The following SPATA7 variants were observed in gnomAD, a reference collection of about 807,000 sequenced individuals.
The protein encoded by SPATA7 is spermatogenesis associated 7.
Under a neutral mutation model 51.8 loss-of-function variants are expected in SPATA7, and 43 were observed. The observed-to-expected ratio is 0.83, with a 90% CI of 0.65 to 1.07. SPATA7 has a LOEUF of 1.07. SPATA7 is among the 50% of genes least tolerant of loss of function. The probability of loss-of-function intolerance (pLI) is 0.00; values close to 1 mark genes in which losing one functional copy is unlikely to be tolerated. For synonymous variants in SPATA7, 230 were observed against 252.8 expected (o/e 0.91, Z 0.86); for missense variants, 683 against 701.3 (o/e 0.97, Z 0.30).
At chr14:88,385,926 G>T in intron 1 of SPATA7, 89 bp downstream of exon 1, 1 of 1,398,716 alleles carries the variant, frequency 7.1e-7, no homozygotes, top group South Asian at 1.3e-5. Flanking sequence ...TGAGTGCAAG[G>T]CCGCCCCTTG....
intron 4 of SPATA7, among the ~76,000 whole-genome samples, chr14:88,414,474 C>G (rs1350598023): frequency 6.6e-6 from 1 of 152,014 alleles, no homozygotes; most frequent in Non-Finnish European, 1.5e-5. Context: ...TGCTAACAGT[C>G]TGTTGATCTG....
At chr14:88,442,941 T>A (rs1042300738), downstream of SPATA7, among the ~76,000 whole-genome samples, 13 of 17,516 alleles carry the variant, frequency 7.4e-4, no homozygotes, top group Non-Finnish European at 1.3e-3. Flanking sequence ...TTGTTAGTAA[T>A]TTTTTTTTTT....
Position 88,469,477 on chromosome 14 carries a change from G to A in SPATA7, c.255-370G>A. 1 of 1,578,248 alleles carries A rather than the reference G, an allele frequency of 6.3e-7. No individual in the cohort carries two copies. Among genetic ancestry groups the A allele is most frequent in the Non-Finnish European group, 8.7e-7 (1 of 1,147,756 alleles). On this transcript the variant is annotated intron_variant, in intron 4 of 4. Coordinates refer to the SPATA7 transcript ENST00000556406. This position sits in a 1 kb window ranked among gnomAD's most constrained non-coding sequence, Gnocchi z 4.3. ...ACACCTCCAGAGGCAGCTGTCCTCG[G>A]AACAAAGTTAAAGTCACTCACATAA...
intron 4 of SPATA7, among the ~76,000 whole-genome samples, chr14:88,461,175 C>T (rs1006652958): frequency 9.9e-5 from 15 of 152,220 alleles, no homozygotes; most frequent in African/African-American, 3.4e-4. Flanking sequence ...CTTGAGGGGG[C>T]AGTCTGTCCG....
intron 4 of SPATA7, among the ~76,000 whole-genome samples, chr14:88,399,749 C>G (rs1252900106): frequency 2.0e-5 from 3 of 152,098 alleles, no homozygotes; most frequent in Non-Finnish European, 4.4e-5. Context: ...CAATGACAGC[C>G]ATTATATAAT....
intron 4 of SPATA7, among the ~76,000 whole-genome samples, chr14:88,465,623 G>C (rs2077353108): frequency 6.6e-6 from 1 of 152,158 alleles, no homozygotes; most frequent in East Asian, 1.9e-4. Context: ...TTTTGTGGAA[G>C]TGCACATTTT....
At chr14:88,386,036 G>T in intron 1 of SPATA7, 199 bp downstream of exon 1, 2 of 1,444,450 alleles carry the variant, frequency 1.4e-6, no homozygotes, top group Non-Finnish European at 9.1e-7. Flanking sequence ...TCGCAGGTCC[G>T]CTTCTTTGCC....
intron 4 of SPATA7, among the ~76,000 whole-genome samples, chr14:88,402,959 C>CAA (rs56330042): frequency 0.18 from 11,250 of 61,802 alleles, 922 homozygotes; most frequent in Admixed American, 0.29. Context: ...AACTCAATAG[C>CAA]AAAAAAAAAA....
chr14:88,469,206 AC>A lies in SPATA7; in HGVS notation c.255-638del. 1.0e-6 allele frequency: 1 copy of A among 1,000,488 alleles called. No individual in the cohort carries two copies. The highest frequency in any genetic ancestry group is 1.4e-6 in the Non-Finnish European group (1 of 692,774). The allele number at this position is 1,000,488 out of a possible 1,614,324, so 62.0% of individuals were successfully genotyped here. Reference sequence around the variant, plus strand: ...AGAGCACTGGGTGCCAGTGAACCAAACCCAACCACAAAGGGACAGTGTGACC... The same window carrying A: ...AGAGCACTGGGTGCCAGTGAACCAAACCAACCACAAAGGGACAGTGTGACC... On this transcript the variant is annotated intron_variant, in intron 4 of 4. Transcript: ENST00000556406. This position sits in a 1 kb window ranked among gnomAD's most constrained non-coding sequence, Gnocchi z 4.3.
At chr14:88,432,387 C>T (rs1478161952) in intron 9 of SPATA7, among the ~76,000 whole-genome samples, 1 of 152,076 alleles carries the variant, frequency 6.6e-6, no homozygotes, top group African/African-American at 2.4e-5. Flanking sequence ...TTTGCTTATT[C>T]AGTAATTTAG....
Position 88,411,216 on chromosome 14 carries a change from TC to T in SPATA7, c.239-5489del, listed in dbSNP as rs1199395146. 1.3e-4 allele frequency among the ~76,000 whole-genome samples: 19 copies of T among 151,974 alleles called. No individual in the cohort carries two copies. In the East Asian group the frequency reaches 1.7e-3, roughly 14 times the overall value. On this transcript the variant is annotated intron_variant, in intron 4 of 11. Transcript: ENST00000393545. ...CAAGCCTCAATAAGGTGGATGCCCC[TC>T]CCCCCACCAAGCTCTAGAGTCCCAG... is the stretch of plus-strand genomic sequence containing the variant.
intron 4 of SPATA7, among the ~76,000 whole-genome samples, chr14:88,404,044 G>GA (rs1443462772): frequency 2.0e-5 from 3 of 151,950 alleles, no homozygotes; most frequent in Non-Finnish European, 2.9e-5. Context: ...TAACAAAGCT[G>GA]AAAAAATTAT....
At chr14:88,399,412 A>G (rs2075993766) in intron 4 of SPATA7, among the ~76,000 whole-genome samples, 1 of 152,216 alleles carries the variant, frequency 6.6e-6, no homozygotes, top group Non-Finnish European at 1.5e-5. Flanking sequence ...GGAGGAAAAA[A>G]GGCATGTTAG....
intron 1 of SPATA7, among the ~76,000 whole-genome samples, chr14:88,387,631 T>G (rs1233845334): frequency 6.6e-6 from 1 of 152,220 alleles, no homozygotes; most frequent in African/African-American, 2.4e-5. Context: ...CATTCTTTTG[T>G]AAGGCAAGCC....
At chr14:88,445,890 G>T (rs1418319647) in intron 3 of SPATA7, among the ~76,000 whole-genome samples, 3 of 152,144 alleles carry the variant, frequency 2.0e-5, no homozygotes, top group Non-Finnish European at 2.9e-5. Context: ...CGGTTTGCCA[G>T]TATTTTATTG....
At chr14:88,392,676 TA>T (rs1328049812) in intron 2 of SPATA7, among the ~76,000 whole-genome samples, 3 of 152,170 alleles carry the variant, frequency 2.0e-5, no homozygotes, top group Non-Finnish European at 4.4e-5. Context: ...TCAAACTCCA[TA>T]TGCCATTTTA....
downstream of SPATA7, chr14:88,438,603 G>A (rs2077155836): frequency 1.5e-6 from 1 of 658,210 alleles, no homozygotes; most frequent in Non-Finnish European, 2.7e-6. Flanking sequence ...GATCAGGAGT[G>A]TAGGCACAGC....
chr14:88,457,796 T>C (rs1399136230), downstream of SPATA7, among the ~76,000 whole-genome samples: 3 of 152,346 alleles, frequency 2.0e-5, no homozygotes, highest in African/African-American at 4.8e-5. Context: ...GGCATCTTTG[T>C]CTTGTGCCAG....
Position 88,446,851 on chromosome 14 carries a change from G to C in SPATA7, c.178-8209G>C, listed in dbSNP as rs946315060. 7.2e-5 allele frequency among the ~76,000 whole-genome samples: 11 copies of C among 152,088 alleles called. No homozygotes were observed. The East Asian group carries it at 1.2e-3, about 16-fold the overall frequency. ...TGATTGCACTGTGGTCTGAGAGATA[G>C]TTTGTTATAATTTCTGTTCTTTTAC... On this transcript the variant is annotated intron_variant, in intron 3 of 3. Transcript: ENST00000554802.
Sources: allele counts gnomAD v4.1 joint callset (sites outside exome capture counted in the v4.1 genomes callset), GRCh38; gene constraint gnomAD v4.1.1; non-coding constraint Gnocchi (gnomAD v3.1); transcripts MANE v1.5; gene names NCBI Gene and HGNC (gene_info 2026-07-23, HGNC 2026-07-21).